The following PLEKHA7 variants were observed in gnomAD, a reference collection of about 807,000 sequenced individuals.
PLEKHA7 encodes pleckstrin homology domain-containing family A member 7.
A neutral mutation model predicts 170.0 loss-of-function variants in PLEKHA7; 104 were observed. That is an observed-to-expected ratio of 0.61 (90% CI 0.52 to 0.72). The LOEUF (loss-of-function observed/expected upper bound fraction) is 0.72. Among genes scored for constraint, PLEKHA7 ranks in the 30% least tolerant of loss-of-function variants. PLEKHA7 has a pLI of 0.00. For synonymous variants in PLEKHA7, 648 were observed against 660.8 expected (o/e 0.98, Z 0.30); for missense variants, 1,615 against 1,671.7 (o/e 0.97, Z 0.59).
chr11:16,848,505 T>A (rs1852652946), intron 8 of PLEKHA7, among the ~76,000 whole-genome samples: 1 of 152,268 alleles, frequency 6.6e-6, no homozygotes, highest in East Asian at 1.9e-4. Context: ...GAAATATAGT[T>A]CTTAAAATAT....
intron 3 of PLEKHA7, among the ~76,000 whole-genome samples, chr11:16,910,267 T>G (rs1209551841): frequency 6.6e-6 from 1 of 151,750 alleles, no homozygotes; most frequent in Non-Finnish European, 1.5e-5. Context: ...AGGAAAGGAG[T>G]TCCAGAAAAT....
intron 3 of PLEKHA7, among the ~76,000 whole-genome samples, chr11:16,922,965 T>C (rs2215085): frequency 0.48 from 73,427 of 151,962 alleles, 18,282 homozygotes; most frequent in East Asian, 0.75. Context: ...ACATGGGGAA[T>C]TTCCAAGCTA....
Position 16,791,537 on chromosome 11 carries a change from G to A in PLEKHA7, c.2746-338C>T. 1 of 514,804 alleles carries A rather than the reference G, an allele frequency of 1.9e-6. No individual in the cohort carries two copies. 31.9% of individuals were successfully genotyped at this position (514,804 alleles called of 1,614,324 possible). Reference sequence around the variant, plus strand: ...CGCTCATCTGGAGTGCACATCGCAGGCAGGCTGCTAACCCTGCCCTGACTT... The same window carrying A: ...CGCTCATCTGGAGTGCACATCGCAGACAGGCTGCTAACCCTGCCCTGACTT... On this transcript the variant is annotated intron_variant, in intron 19 of 26. Transcript: ENST00000531066. This position sits in a 1 kb window ranked among gnomAD's most constrained non-coding sequence, Gnocchi z 4.5.
At position 16,816,889 on chromosome 11, in the gene PLEKHA7, G is replaced by T. The variant is rs1308265086; in HGVS notation, c.1777C>A (p.Arg593=). The change falls in exon 11 of 27, where the codon CGA becomes AGA. Residue 593 remains arginine, a synonymous_variant. Transcript: ENST00000531066. The stretch of plus-strand genomic sequence containing the variant: ...TGGTCCGGTGGCTTCACTGTGACTC[G>T]CTCTGCTGGTGTGTGTGGCCGCCGG... ...PPRRPHTPAE[R]VTVKPPDQRR... is the part of the protein sequence containing the mutation. The T allele has an allele frequency of 6.2e-7, 1 of 1,614,060 alleles. No individual in the cohort carries two copies. The highest frequency in any genetic ancestry group is 1.1e-5 in the South Asian group (1 of 91,074).
intron 3 of PLEKHA7, among the ~76,000 whole-genome samples, chr11:16,974,101 T>C (rs1162188241): frequency 6.6e-6 from 1 of 152,136 alleles, no homozygotes; most frequent in Non-Finnish European, 1.5e-5. Context: ...ACTTAAAAAT[T>C]TTAAAATAGT....
chr11:16,947,198 A>G (rs945909273), intron 3 of PLEKHA7, among the ~76,000 whole-genome samples: 1 of 152,208 alleles, frequency 6.6e-6, no homozygotes, highest in Non-Finnish European at 1.5e-5. Flanking sequence ...AAAGATAAGT[A>G]TTGGTGAGGA....
chr11:16,806,442 G>A (rs7127249), intron 13 of PLEKHA7, among the ~76,000 whole-genome samples: 39,121 of 152,112 alleles, frequency 0.26, 5,610 homozygotes, highest in East Asian at 0.37. Context: ...AAGTCTGTGG[G>A]TGCTCATCCA....
intron 3 of PLEKHA7, among the ~76,000 whole-genome samples, chr11:16,926,464 C>A (rs1333127536): frequency 6.6e-6 from 1 of 152,210 alleles, no homozygotes; most frequent in African/African-American, 2.4e-5. Flanking sequence ...ATGCCAGGAG[C>A]AACAGATAAT....
intron 4 of PLEKHA7, among the ~76,000 whole-genome samples, chr11:16,867,216 G>A (rs770431951): frequency 1.3e-5 from 2 of 152,158 alleles, no homozygotes; most frequent in Non-Finnish European, 1.5e-5. Context: ...CAACTGGAAG[G>A]CTTGTGAAAA....
At chr11:16,919,547 C>T (rs1024738312) in intron 3 of PLEKHA7, among the ~76,000 whole-genome samples, 10 of 152,036 alleles carry the variant, frequency 6.6e-5, no homozygotes, top group Admixed American at 1.3e-4. Flanking sequence ...TGGTAGCTCA[C>T]ACCTGTAGTC....
intron 3 of PLEKHA7, among the ~76,000 whole-genome samples, chr11:17,008,822 T>C (rs762155536): frequency 6.6e-6 from 1 of 152,302 alleles, no homozygotes; most frequent in South Asian, 2.1e-4. Context: ...CAAGGTTCCA[T>C]GAAACCCCTG....
At chr11:16,805,789 C>CAAAAAAAAAAAAAAAAA (rs11339921) in intron 13 of PLEKHA7, among the ~76,000 whole-genome samples, 1 of 111,198 alleles carries the variant, frequency 9.0e-6, no homozygotes, top group African/African-American at 3.6e-5. Context: ...GACTCCATGT[C>CAAAAAAAAAAAAAAAAA]AAAAAAAAAA....
In PLEKHA7 at chr11:16,817,873, T is replaced by A. The variant is rs544099544; in HGVS notation, c.1344-551A>T. On this transcript the variant is annotated intron_variant, in intron 10 of 26. Transcript: ENST00000531066. The surrounding 1 kb of genome is among the most constrained non-coding windows in gnomAD (Gnocchi z 4.4). ...CAAGTGCTCTGATCATATCAGTTCC[T>A]TGCTGCAAAAACTTCCATGGCTCCT... Among the ~76,000 whole-genome samples the A allele has an allele frequency of 6.6e-6, 1 of 152,214 alleles. No individual in the cohort carries two copies. The highest frequency in any genetic ancestry group is 1.5e-5 in the Non-Finnish European group (1 of 68,040).
intron 3 of PLEKHA7, among the ~76,000 whole-genome samples, chr11:16,980,953 T>C (rs563855075): frequency 6.6e-6 from 1 of 152,218 alleles, no homozygotes; most frequent in Non-Finnish European, 1.5e-5. Context: ...AGTGTCTACT[T>C]TGGAGCTAAT....
chr11:16,885,489 T>C (rs1392533357), intron 3 of PLEKHA7, among the ~76,000 whole-genome samples: 1 of 150,078 alleles, frequency 6.7e-6, no homozygotes, highest in Non-Finnish European at 1.5e-5. Flanking sequence ...TGAAACCTCA[T>C]CTCTACTAAA....
Position 16,932,528 on chromosome 11 carries a change from T to C in PLEKHA7, c.222-61346A>G, listed in dbSNP as rs1245612780. Among the ~76,000 whole-genome samples, 5 of 152,276 alleles carry C rather than the reference T, an allele frequency of 3.3e-5. No homozygotes were observed. In the East Asian group the frequency reaches 9.7e-4, roughly 29 times the overall value. On this transcript the variant is annotated intron_variant, in intron 3 of 26. Coordinates refer to ENST00000531066, the MANE Select transcript of PLEKHA7 (RefSeq NM_001329630.2). ...TTGAATTCCTGGACTCAAGCAATCC[T>C]TTTGCCTGGGCCTCCCAAAGTGTTG...
At position 16,966,285 on chromosome 11, in the gene PLEKHA7, CATGT is replaced by C. The variant is rs1394049878; in HGVS notation, c.221+47700_221+47703del. The stretch of plus-strand genomic sequence containing the variant: ...AAATGGGACTGGAGGCATGGTTGTG[CATGT>C]ATGTGTGTGTGTGTGTGTGTGTGTG... On this transcript the variant is annotated intron_variant, in intron 3 of 26. Coordinates refer to ENST00000531066, the MANE Select transcript of PLEKHA7 (RefSeq NM_001329630.2). Among the ~76,000 whole-genome samples, 926 of 125,708 alleles carry C rather than the reference CATGT, an allele frequency of 7.4e-3. 10 individuals are homozygous for C. The highest frequency in any genetic ancestry group is 0.027 in the African/African-American group (867 of 31,854). 82.5% of individuals were successfully genotyped at this position (125,708 alleles called of 152,430 possible).
intron 3 of PLEKHA7, among the ~76,000 whole-genome samples, chr11:16,982,912 G>A (rs956453668): frequency 9.9e-5 from 15 of 151,930 alleles, no homozygotes; most frequent in Admixed American, 5.2e-4. Context: ...ACACTATTTC[G>A]AGACACTGCC....
Position 16,789,678 on chromosome 11 carries a change from C to CTT in PLEKHA7, c.3156+96_3156+97insAA. ...GCTGAGGCCACCCCAGAGGCCATCC[C>CTT]CAGGGCTGAAGGGATGGCCAGTTAC... On this transcript the variant is annotated intron_variant, in intron 22 of 26. Coordinates refer to ENST00000531066, the MANE Select transcript of PLEKHA7 (RefSeq NM_001329630.2). The surrounding 1 kb of genome is among the most constrained non-coding windows in gnomAD (Gnocchi z 4.6). 8.8e-7 allele frequency: 1 copy of CTT among 1,139,022 alleles called. No homozygotes were observed. Among genetic ancestry groups the CTT allele is most frequent in the Non-Finnish European group, 1.3e-6 (1 of 787,272 alleles). 70.6% of individuals were successfully genotyped at this position (1,139,022 alleles called of 1,614,324 possible). A position where few individuals can be genotyped will look rare whatever the true frequency, so the allele number is the denominator to read the frequency against.
Sources: gnomAD v4.1 joint callset for allele counts (sites outside exome capture counted in the v4.1 genomes callset) on GRCh38, gnomAD v4.1.1 for gene constraint, Gnocchi (gnomAD v3.1) non-coding constraint, MANE v1.5 for transcripts, NCBI Gene and HGNC (gene_info 2026-07-23, HGNC 2026-07-21) for gene names.